RSPO3: variants seen among roughly 807,000 people sequenced by gnomAD.
RSPO3 encodes R-spondin 3.
A neutral mutation model predicts 36.5 loss-of-function variants in RSPO3; 17 were observed. The observed-to-expected ratio is 0.47, with a 90% confidence interval of 0.32 to 0.70. The LOEUF is 0.70. RSPO3 is among the 30% of genes least tolerant of loss of function. The pLI is 0.04. For synonymous variants in RSPO3, 108 were observed against 107.0 expected (o/e 1.01, Z -0.06); for missense variants, 294 against 322.5 (o/e 0.91, Z 0.68).
Position 127,196,232 on chromosome 6 carries a change from C to T in RSPO3, c.*225C>T, listed in dbSNP as rs1279138565. The T allele has an allele frequency of 9.4e-6, 3 of 320,496 alleles. No individual in the cohort carries two copies. The highest frequency in any genetic ancestry group is 1.7e-5 in the Non-Finnish European group (3 of 176,504). 19.9% of individuals were successfully genotyped at this position (320,496 alleles called of 1,614,324 possible). ...GATGGTTGTCTTGTGTGCTTCTCTG[C>T]ATTTTTAAAAGACAAGACATTCTTG... On this transcript the variant is annotated 3_prime_UTR_variant, in exon 5 of 5. Coordinates refer to ENST00000356698, the MANE Select transcript of RSPO3 (RefSeq NM_032784.5).
At chr6:127,168,238 A>G (rs957244332) in intron 4 of RSPO3, among the ~76,000 whole-genome samples, 2 of 152,072 alleles carry the variant, frequency 1.3e-5, no homozygotes, top group African/African-American at 4.8e-5. Flanking sequence ...AAGTGTTCCT[A>G]TTTCTCCACA....
rs563364022 is a variant in RSPO3 at position 127,197,352 on chromosome 6, G to C, written c.*1345G>C. ...TGCTTAGAAATGGGCATCATTTCTTGTATGTCAGATCCCCCTGCATCTTCA... is the reference window on the plus strand; with the variant it reads ...TGCTTAGAAATGGGCATCATTTCTTCTATGTCAGATCCCCCTGCATCTTCA... On this transcript the variant is annotated 3_prime_UTR_variant, in exon 5 of 5. Transcript: ENST00000356698. 2.0e-6 allele frequency: 3 copies of C among 1,529,348 alleles called. No homozygotes were observed. The highest frequency in any genetic ancestry group is 2.0e-5 in the Admixed American group (1 of 49,690). The allele number at this position is 1,529,348 out of a possible 1,614,324, so 94.7% of individuals were successfully genotyped here. A position where few individuals can be genotyped will look rare whatever the true frequency, so the allele number is the denominator to read the frequency against.
chr6:127,174,926 A>G (rs1775019814), intron 4 of RSPO3, among the ~76,000 whole-genome samples: 1 of 151,816 alleles, frequency 6.6e-6, no homozygotes, highest in African/African-American at 2.4e-5. Flanking sequence ...GGGCAGCTTT[A>G]TCTTAAACTT....
At chr6:127,152,177 C>T (rs1774503013) in intron 3 of RSPO3, among the ~76,000 whole-genome samples, 1 of 152,124 alleles carries the variant, frequency 6.6e-6, no homozygotes, top group Non-Finnish European at 1.5e-5. Context: ...CTTAACACAA[C>T]TACATTTAAG....
chr6:127,138,019 G>C (rs540843582), intron 1 of RSPO3, among the ~76,000 whole-genome samples: 2 of 152,196 alleles, frequency 1.3e-5, no homozygotes, highest in South Asian at 4.2e-4. Context: ...AATACTGAAA[G>C]TGTGGTATTT....
intron 1 of RSPO3, among the ~76,000 whole-genome samples, chr6:127,141,754 G>A (rs1378546221): frequency 6.6e-6 from 1 of 152,102 alleles, no homozygotes; most frequent in Non-Finnish European, 1.5e-5. Context: ...TATTATCCTA[G>A]CTGTTAAAGT....
intron 1 of RSPO3, among the ~76,000 whole-genome samples, chr6:127,134,259 A>G (rs1397070420): frequency 1.3e-5 from 2 of 152,246 alleles, no homozygotes; most frequent in East Asian, 3.8e-4. Flanking sequence ...CATAGGAAGT[A>G]TGCTATTGTC....
At chr6:127,185,624 C>A (rs998018379) in intron 4 of RSPO3, among the ~76,000 whole-genome samples, 1 of 151,986 alleles carries the variant, frequency 6.6e-6, no homozygotes, top group Non-Finnish European at 1.5e-5. Context: ...ACACATGATA[C>A]GTGGAGCAGC....
chr6:127,159,424 A>T (rs1411555016), intron 4 of RSPO3, among the ~76,000 whole-genome samples: 1 of 152,156 alleles, frequency 6.6e-6, no homozygotes, highest in Non-Finnish European at 1.5e-5. Flanking sequence ...TTCCTGGTAT[A>T]AAGACAAGCT....
At chr6:127,133,674 T>C (rs886340034) in intron 1 of RSPO3, among the ~76,000 whole-genome samples, 1 of 152,114 alleles carries the variant, frequency 6.6e-6, no homozygotes, top group Non-Finnish European at 1.5e-5. Context: ...TTTAAGTTTC[T>C]TTTTGCACAT....
chr6:127,154,088 C>T (rs1045519284), intron 3 of RSPO3, among the ~76,000 whole-genome samples: 4 of 152,046 alleles, frequency 2.6e-5, no homozygotes, highest in African/African-American at 9.7e-5. Flanking sequence ...TCTGAAAAGT[C>T]CTGTGAAAAA....
intron 4 of RSPO3, among the ~76,000 whole-genome samples, chr6:127,159,429 C>T (rs1229695905): frequency 1.3e-5 from 2 of 152,040 alleles, no homozygotes; most frequent in East Asian, 1.9e-4. Context: ...GGTATAAAGA[C>T]AAGCTAGCAT....
intron 4 of RSPO3, among the ~76,000 whole-genome samples, chr6:127,161,536 G>A (rs532766451): frequency 3.3e-4 from 50 of 152,114 alleles, no homozygotes; most frequent in Middle Eastern, 6.8e-3. Flanking sequence ...AACGGTGGTC[G>A]AAAATCATGG....
intron 4 of RSPO3, among the ~76,000 whole-genome samples, chr6:127,191,850 C>A (rs185847697): frequency 6.6e-6 from 1 of 152,192 alleles, no homozygotes; most frequent in East Asian, 1.9e-4. Flanking sequence ...GTACACTGGT[C>A]CTCAGGACAA....
At chr6:127,179,181 C>T (rs548730279) in intron 4 of RSPO3, among the ~76,000 whole-genome samples, 15 of 151,890 alleles carry the variant, frequency 9.9e-5, no homozygotes, top group African/African-American at 3.4e-4. Context: ...TACCATAATA[C>T]CTTTCTCATA....
chr6:127,129,393 C>T (rs908679540), intron 1 of RSPO3, among the ~76,000 whole-genome samples: 4 of 152,004 alleles, frequency 2.6e-5, no homozygotes, highest in Non-Finnish European at 4.4e-5. Context: ...GGCTTCCTGA[C>T]AGACTTAATC....
Position 127,196,946 on chromosome 6 carries a change from C to G in RSPO3, c.*939C>G, listed in dbSNP as rs1775526248. Reference sequence around the variant, plus strand: ...CAATTTTATTACCTGCTTAATGGTCCACCTGGAACTAAAAGGGATACTATT... The same window carrying G: ...CAATTTTATTACCTGCTTAATGGTCGACCTGGAACTAAAAGGGATACTATT... On this transcript the variant is annotated 3_prime_UTR_variant, in exon 5 of 5. Transcript: ENST00000356698. 1.3e-5 allele frequency: 2 copies of G among 152,620 alleles called. No homozygotes were observed. The highest frequency in any genetic ancestry group is 2.9e-5 in the Non-Finnish European group (2 of 68,212). The allele number at this position is 152,620 out of a possible 1,614,324, so 9.5% of individuals were successfully genotyped here. A position where few individuals can be genotyped will look rare whatever the true frequency, so the allele number is the denominator to read the frequency against.
At chr6:127,179,580 G>A (rs539302812) in intron 4 of RSPO3, among the ~76,000 whole-genome samples, 1 of 151,994 alleles carries the variant, frequency 6.6e-6, no homozygotes, top group South Asian at 2.1e-4. Flanking sequence ...CCATTACAAA[G>A]TTGGGTTTGT....
chr6:127,124,154 G>A (rs1158484475), intron 1 of RSPO3, among the ~76,000 whole-genome samples: 2 of 151,942 alleles, frequency 1.3e-5, no homozygotes, highest in African/African-American at 4.8e-5. Flanking sequence ...ATAAGAATGA[G>A]CTATGAAAAA....
Sources: allele counts gnomAD v4.1 joint callset (sites outside exome capture counted in the v4.1 genomes callset), GRCh38; gene constraint gnomAD v4.1.1; transcripts MANE v1.5; gene names NCBI Gene and HGNC (gene_info 2026-07-23, HGNC 2026-07-21).